Variants in CNIH3 observed in about 807,000 individuals in gnomAD.
CNIH3 encodes the protein protein cornichon homolog 3.
A neutral mutation model predicts 24.1 loss-of-function variants in CNIH3; 14 were observed. The ratio of observed to expected loss-of-function variants is 0.58; its 90% CI spans 0.38 to 0.91. CNIH3 has a LOEUF of 0.91. Ranked by LOEUF, CNIH3 falls within the 40% of genes least tolerant of loss-of-function variation. The pLI, the probability that CNIH3 is intolerant of heterozygous loss-of-function variation, is 0.00. For synonymous variants in CNIH3, 68 were observed against 73.8 expected (o/e 0.92, Z 0.40); for missense variants, 178 against 196.8 (o/e 0.90, Z 0.57).
At chr1:224,561,910 G>A (rs1680389413) in intron 3 of CNIH3, among the ~76,000 whole-genome samples, 1 of 152,174 alleles carries the variant, frequency 6.6e-6, no homozygotes, top group Non-Finnish European at 1.5e-5. Context: ...GGCCAAAAGA[G>A]AATGGATATG....
intron 2 of CNIH3, among the ~76,000 whole-genome samples, chr1:224,682,436 A>T (rs1369847734): frequency 6.6e-6 from 1 of 152,192 alleles, no homozygotes; most frequent in African/African-American, 2.4e-5. Context: ...ATAATATCTG[A>T]GGCCCACTTT....
intron 4 of CNIH3, among the ~76,000 whole-genome samples, chr1:224,577,793 A>G (rs1228759957): frequency 6.6e-6 from 1 of 152,230 alleles, no homozygotes; most frequent in African/African-American, 2.4e-5. Context: ...ATAATTCACA[A>G]TTGTAAAAAT....
At chr1:224,575,222 C>T in intron 4 of CNIH3, 2 of 1,337,658 alleles carry the variant, frequency 1.5e-6, no homozygotes, top group South Asian at 1.2e-5. Flanking sequence ...TGGTGGTGAT[C>T]CCCAAGTCTG....
chr1:224,608,357 C>T (rs187038661), intron 3 of CNIH3, among the ~76,000 whole-genome samples: 43 of 152,266 alleles, frequency 2.8e-4, no homozygotes, highest in African/African-American at 1.0e-3. Context: ...GGGCTTTATT[C>T]GGCCGGGAGT....
intron 1 of CNIH3, among the ~76,000 whole-genome samples, chr1:224,630,407 A>T (rs1683760557): frequency 6.6e-6 from 1 of 151,920 alleles, no homozygotes. Context: ...AATTTGGGGG[A>T]TGATTTATTT....
upstream of CNIH3, among the ~76,000 whole-genome samples, chr1:224,611,983 C>T (rs541852513): frequency 9.2e-5 from 14 of 152,266 alleles, no homozygotes; most frequent in Non-Finnish European, 1.9e-4. Context: ...AGATATTGTT[C>T]TGTAACTAAT....
At chr1:224,550,647 A>G (rs1679877998) in intron 3 of CNIH3, among the ~76,000 whole-genome samples, 2 of 152,216 alleles carry the variant, frequency 1.3e-5, no homozygotes, top group African/African-American at 4.8e-5. Context: ...TTTCATAAAT[A>G]TCATCAAAGT....
chr1:224,519,760 A>G (rs1678548756), intron 1 of CNIH3, among the ~76,000 whole-genome samples: 1 of 151,402 alleles, frequency 6.6e-6, no homozygotes, highest in South Asian at 2.1e-4. Context: ...ATATTATTTA[A>G]TATGTATCTC....
At chr1:224,566,442 TA>T (rs1160047245) in intron 4 of CNIH3, among the ~76,000 whole-genome samples, 5 of 152,098 alleles carry the variant, frequency 3.3e-5, no homozygotes, top group Admixed American at 2.6e-4. Flanking sequence ...TACATAGGTA[TA>T]CATGTGCCAT....
intron 4 of CNIH3, chr1:224,575,472 G>A (rs1287489085): frequency 7.8e-6 from 5 of 638,852 alleles, no homozygotes; most frequent in Non-Finnish European, 1.4e-5. Flanking sequence ...AGGTAGTATG[G>A]CCTGTGTCAC....
rs1057386257 is a variant in CNIH3, at chr1:224,445,821, G to A, written n.203+10959G>A. Among the ~76,000 whole-genome samples, 11 of 152,080 alleles carry A rather than the reference G, an allele frequency of 7.2e-5. No homozygotes were observed. The East Asian group carries it at 7.7e-4, about 11-fold the overall frequency. ...TGTTTTACTTTAGAAGTCATTTCTC[G>A]TCCTCAAGGGCATAAATATATTCTT... is the stretch of plus-strand genomic sequence containing the variant. On this transcript the variant is annotated intron_variant and non_coding_transcript_variant, in intron 1 of 5. Transcript: ENST00000471578.
intron 1 of CNIH3, among the ~76,000 whole-genome samples, chr1:224,457,533 T>TG (rs397862482): frequency 6.7e-6 from 1 of 149,792 alleles, no homozygotes; most frequent in African/African-American, 2.5e-5. Flanking sequence ...TTTTTTTTTT[T>TG]GTCTGTAGCT....
At chr1:224,575,102 C>A in intron 4 of CNIH3, 1 of 892,642 alleles carries the variant, frequency 1.1e-6, no homozygotes, top group Non-Finnish European at 1.9e-6. Flanking sequence ...GGCCCTGGGC[C>A]AAGCCTGAGG....
intron 4 of CNIH3, chr1:224,566,286 C>T (rs1321454868): frequency 6.6e-6 from 1 of 151,766 alleles, no homozygotes; most frequent in Non-Finnish European, 1.5e-5. Flanking sequence ...TTGCAACTCT[C>T]TTTGGTTTGG....
rs148210705 is a variant in CNIH3 at position 224,676,445 on chromosome 1, C to T, written c.82-4513C>T. Among the ~76,000 whole-genome samples, 1,242 of 152,138 alleles carry T rather than the reference C, an allele frequency of 8.2e-3. 10 individuals are homozygous for T. Among genetic ancestry groups the T allele is most frequent in the Middle Eastern group, 0.027 (8 of 294 alleles). On this transcript the variant is annotated intron_variant, in intron 1 of 5. Transcript: ENST00000272133. ...GAGGTGATCACATGACTGCATTTGT[C>T]AAAATTCACAGAACTTTTCACCAAA...
intron 1 of CNIH3, among the ~76,000 whole-genome samples, chr1:224,623,162 C>T (rs959201551): frequency 3.3e-5 from 5 of 152,148 alleles, no homozygotes; most frequent in Non-Finnish European, 5.9e-5. Flanking sequence ...CAGTGAGCTC[C>T]CTGTTCTCTA....
At chr1:224,720,153 C>T (rs1688634108) in intron 3 of CNIH3, among the ~76,000 whole-genome samples, 2 of 152,086 alleles carry the variant, frequency 1.3e-5, no homozygotes, top group South Asian at 4.1e-4. Context: ...CATTCTCATT[C>T]AATTCACCCT....
At chr1:224,692,159 A>C (rs1393644147) in intron 3 of CNIH3, among the ~76,000 whole-genome samples, 1 of 152,144 alleles carries the variant, frequency 6.6e-6, no homozygotes, top group Non-Finnish European at 1.5e-5. Flanking sequence ...AAAATTAGCC[A>C]GGCACGGTGG....
chr1:224,721,671 C>A (rs1244675170), intron 3 of CNIH3, among the ~76,000 whole-genome samples: 2 of 152,114 alleles, frequency 1.3e-5, no homozygotes, highest in Non-Finnish European at 2.9e-5. Context: ...CAGAGCAAGG[C>A]TGGAATCCAA....
Sources: allele counts gnomAD v4.1 joint callset (sites outside exome capture counted in the v4.1 genomes callset), GRCh38; gene constraint gnomAD v4.1.1; transcripts MANE v1.5; gene names NCBI Gene and HGNC (gene_info 2026-07-23, HGNC 2026-07-21).